The following PCDHGA1 variants were observed in gnomAD, a reference collection of about 807,000 sequenced individuals.
PCDHGA1 encodes protocadherin gamma subfamily A, 1, also known as protocadherin gamma-A1.
Under a neutral mutation model 58.0 loss-of-function variants are expected in PCDHGA1, and 32 were observed. The observed-to-expected ratio is 0.55, with a 90% CI of 0.42 to 0.74. PCDHGA1 has a LOEUF of 0.74. Among genes scored for constraint, PCDHGA1 ranks in the 30% least tolerant of loss-of-function variants. PCDHGA1 has a pLI of 0.00. For synonymous variants in PCDHGA1, 498 were observed against 501.1 expected, an observed-to-expected ratio of 0.99 and a Z score of 0.08; for missense variants, 1,205 against 1,182.3, an observed-to-expected ratio of 1.02 and a Z score of -0.28.
Position 141,392,774 on chromosome 5 carries a change from C to A in PCDHGA1, c.2421+59669C>A, listed in dbSNP as rs752798314. The A allele has an allele frequency of 2.0e-6, 3 of 1,520,452 alleles. No homozygotes were observed. The South Asian group carries it at 3.9e-5, about 20-fold the overall frequency. The allele number at this position is 1,520,452 out of a possible 1,614,324, so 94.2% of individuals were successfully genotyped here. A position where few individuals can be genotyped will look rare whatever the true frequency, so the allele number is the denominator to read the frequency against. On this transcript the variant is annotated intron_variant, in intron 1 of 3. Coordinates refer to ENST00000517417, the MANE Select transcript of PCDHGA1 (RefSeq NM_018912.3). ...AGAAACTAAATAAGACCCATTTATG[C>A]ACAGTGAAGATTCTGAGAGGATTCT...
At position 141,427,625 on chromosome 5, in the gene PCDHGA1, T is replaced by G. The variant is rs150347956; in HGVS notation, c.2422-67182T>G. On this transcript the variant is annotated intron_variant, in intron 1 of 3. Coordinates refer to ENST00000517417, the MANE Select transcript of PCDHGA1 (RefSeq NM_018912.3). Reference sequence around the variant, plus strand: ...GCATTGGTGAAGTCAACGACAATGCTCCGGTTTTCCACCAAGTCTCCTACG... The same window carrying G: ...GCATTGGTGAAGTCAACGACAATGCGCCGGTTTTCCACCAAGTCTCCTACG... The G allele has an allele frequency of 2.7e-3, 1,907 of 699,068 alleles. 5 individuals are homozygous for G. The highest frequency in any genetic ancestry group is 4.1e-3 in the Non-Finnish European group (1,558 of 384,098). The allele number at this position is 699,068 out of a possible 1,614,324, so 43.3% of individuals were successfully genotyped here.
chr5:141,427,875 C>A, intron 1 of PCDHGA1: 1 of 1,560,408 alleles, frequency 6.4e-7, no homozygotes. Flanking sequence ...GCTCACGATG[C>A]AGGCCCACGA....
Position 141,332,961 on chromosome 5 carries a change from C to T in PCDHGA1, c.2277C>T (p.Leu759=). ...AGACCTATTCCCACGAGGTCTCCCT[C>T]ACTGCGGACTCGCGGAAGAGCCACC... ...FLQTYSHEVS[L]TADSRKSHLI... Residue 759 remains leucine (L), a synonymous_variant, in exon 1 of 4, where the codon CTC becomes CTT. Coordinates refer to ENST00000517417, the MANE Select transcript of PCDHGA1 (RefSeq NM_018912.3). The surrounding 1 kb of genome is among the most constrained non-coding windows in gnomAD (Gnocchi z 4.6). 1.2e-6 allele frequency: 2 copies of T among 1,614,216 alleles called. No homozygotes were observed. Among genetic ancestry groups the T allele is most frequent in the South Asian group, 1.1e-5 (1 of 91,086 alleles).
intron 1 of PCDHGA1, chr5:141,441,516 C>T (rs1034274864): frequency 4.0e-5 from 7 of 173,082 alleles, no homozygotes; most frequent in Non-Finnish European, 8.7e-5. Flanking sequence ...ACGTCGTCCA[C>T]GTGGCCAAGA....
chr5:141,502,308 C>T (rs928137926), intron 2 of PCDHGA1, among the ~76,000 whole-genome samples: 2 of 151,586 alleles, frequency 1.3e-5, no homozygotes, highest in Non-Finnish European at 2.9e-5. Flanking sequence ...CTTTCCTCTC[C>T]TTTAATCTGG....
chr5:141,399,738 G>C (rs1484510317), intron 1 of PCDHGA1: 2 of 1,613,268 alleles, frequency 1.2e-6, no homozygotes, highest in African/African-American at 1.3e-5. Flanking sequence ...GCTCGCCTGC[G>C]CTCAGCGCAA....
intron 1 of PCDHGA1, chr5:141,362,645 G>GTAGGA: frequency 1.4e-6 from 2 of 1,454,486 alleles, no homozygotes; most frequent in Non-Finnish European, 1.8e-6. Flanking sequence ...CTTTGTCTGT[G>GTAGGA]AGTTAGATTT....
At position 141,487,886 on chromosome 5, in the gene PCDHGA1, G is replaced by A. The variant is rs1208779156; in HGVS notation, c.2422-6921G>A. On this transcript the variant is annotated intron_variant, in intron 1 of 3. Transcript: ENST00000517417. This position sits in a 1 kb window ranked among gnomAD's most constrained non-coding sequence, Gnocchi z 5.0. ...GATCAAGAGCCAGGCTGTTGTGGAA[G>A]CATGATGATGGAATGTGGGAGCACA... is the stretch of plus-strand genomic sequence containing the variant. 1.3e-6 allele frequency: 1 copy of A among 751,316 alleles called. No individual in the cohort carries two copies. The highest frequency in any genetic ancestry group is 2.1e-6 in the Non-Finnish European group (1 of 467,526). The allele number at this position is 751,316 out of a possible 1,614,324, so 46.5% of individuals were successfully genotyped here.
At chr5:141,358,959 G>A (rs190697556) in intron 1 of PCDHGA1, among the ~76,000 whole-genome samples, 2 of 152,314 alleles carry the variant, frequency 1.3e-5, no homozygotes, top group South Asian at 2.1e-4. Flanking sequence ...CTTTCATTTA[G>A]GTTCTGTGAG....
At chr5:141,467,005 G>A (rs1365805332) in intron 1 of PCDHGA1, among the ~76,000 whole-genome samples, 3 of 150,724 alleles carry the variant, frequency 2.0e-5, no homozygotes, top group Non-Finnish European at 4.4e-5. Flanking sequence ...TTTTTGCAAT[G>A]CAATTTTTTT....
At chr5:141,351,249 A>G (rs1484379458) in intron 1 of PCDHGA1, 1 of 1,614,034 alleles carries the variant, frequency 6.2e-7, no homozygotes, top group South Asian at 1.1e-5. Flanking sequence ...TGTAATGTTC[A>G]AATAGAAATT....
At chr5:141,375,540 A>C in intron 1 of PCDHGA1, 1 of 1,613,910 alleles carries the variant, frequency 6.2e-7, no homozygotes, top group Non-Finnish European at 8.5e-7. Flanking sequence ...CAGAACGCCC[A>C]AGTCTCCTAC....
intron 1 of PCDHGA1, chr5:141,393,958 T>C: frequency 6.2e-7 from 1 of 1,613,966 alleles, no homozygotes; most frequent in East Asian, 2.2e-5. Flanking sequence ...AATGGTCAAG[T>C]TGTCTGTTAC....
chr5:141,362,685 C>T, intron 1 of PCDHGA1: 1 of 1,139,308 alleles, frequency 8.8e-7, no homozygotes, highest in East Asian at 2.6e-5. Context: ...TTGTCTTAAT[C>T]TTATCTAACT....
At chr5:141,345,465 G>A in intron 1 of PCDHGA1, 1 of 1,614,000 alleles carries the variant, frequency 6.2e-7, no homozygotes, top group African/African-American at 1.3e-5. Context: ...GACAGCCCAG[G>A]ACCCAGATAG....
At position 141,330,959 on chromosome 5, in the gene PCDHGA1, G is replaced by C. The variant is rs780558308; in HGVS notation, c.275G>C (p.Arg92Pro). The C allele has an allele frequency of 1.2e-6, 2 of 1,614,208 alleles. No homozygotes were observed. The highest frequency in any genetic ancestry group is 1.7e-6 in the Non-Finnish European group (2 of 1,180,044). The change falls in exon 1 of 4, where the codon CGG becomes CCG. Residue 92 changes from arginine to proline, a missense_variant. Physicochemically the swap from Arg to Pro is moderately radical, Grantham distance 103 (BLOSUM62 -2). Coordinates refer to ENST00000517417, the MANE Select transcript of PCDHGA1 (RefSeq NM_018912.3). ...GSLITARRID[R>P]EELCAQSMPC... ...TTGATCACCGCGCGCAGGATAGACCGGGAGGAGCTCTGCGCTCAGAGCATG... is the reference window on the plus strand; with the variant it reads ...TTGATCACCGCGCGCAGGATAGACCCGGAGGAGCTCTGCGCTCAGAGCATG...
rs756252337 is a variant in PCDHGA1, at chr5:141,413,183, C to T, written c.2421+80078C>T. The T allele has an allele frequency of 3.7e-6, 6 of 1,605,222 alleles. No individual in the cohort carries two copies. The Admixed American group carries it at 1.0e-4, about 27-fold the overall frequency. Reference sequence around the variant, plus strand: ...TTCTGTAACCAGACTACAATGGCCGCTCAAAGGAATCGCTCAAAGGAATCA... The same window carrying T: ...TTCTGTAACCAGACTACAATGGCCGTTCAAAGGAATCGCTCAAAGGAATCA... On this transcript the variant is annotated intron_variant, in intron 1 of 3. Transcript: ENST00000517417.
In PCDHGA1 at chr5:141,393,482, T is replaced by C. The variant is rs116240246; in HGVS notation, c.2421+60377T>C. The C allele has an allele frequency of 5.3e-4, 852 of 1,614,070 alleles. 7 individuals carry two copies. In the African/African-American group the frequency reaches 0.01, roughly 19 times the overall value. ...CGGATGGCGGCAAGCCGCCTCGCTC[T>C]AGCACAGTGCGCATCCACGTGACAG... is the stretch of plus-strand genomic sequence containing the variant. On this transcript the variant is annotated intron_variant, in intron 1 of 3. Coordinates refer to ENST00000517417, the MANE Select transcript of PCDHGA1 (RefSeq NM_018912.3).
chr5:141,501,381 T>A (rs1261533671), intron 2 of PCDHGA1, among the ~76,000 whole-genome samples: 4 of 151,750 alleles, frequency 2.6e-5, no homozygotes, highest in African/African-American at 9.7e-5. Flanking sequence ...TCTTAAATCC[T>A]AGGTCCTGTC....
Sources: allele counts gnomAD v4.1 joint callset (sites outside exome capture counted in the v4.1 genomes callset), GRCh38; gene constraint gnomAD v4.1.1; non-coding constraint Gnocchi (gnomAD v3.1); transcripts MANE v1.5; gene names NCBI Gene and HGNC (gene_info 2026-07-23, HGNC 2026-07-21).